Variants in EMCN observed in about 807,000 individuals in gnomAD.
The protein encoded by EMCN is MUC-14.
Under a neutral mutation model 38.4 loss-of-function variants are expected in EMCN, and 37 were observed. That is an observed-to-expected ratio of 0.96 (90% CI 0.74 to 1.27). The LOEUF is 1.27. Ranked by LOEUF, EMCN falls within the 50% of genes most tolerant of loss-of-function variation. The probability of loss-of-function intolerance (pLI) is 0.00; values close to 1 mark genes in which losing one functional copy is unlikely to be tolerated. For synonymous variants in EMCN, 95 were observed against 100.8 expected (o/e 0.94, Z 0.35); for missense variants, 318 against 302.8 (o/e 1.05, Z -0.37).
At chr4:100,439,558 AT>A (rs34415814) in intron 5 of EMCN, among the ~76,000 whole-genome samples, 18,714 of 148,686 alleles carry the variant, frequency 0.13, 1,344 homozygotes, top group Middle Eastern at 0.17. Flanking sequence ...AGGTTTATCC[AT>A]TTTTTTTTAT....
intron 3 of EMCN, 64 bp from the exon 4 acceptor site, chr4:100,465,603 A>C (rs777621459): frequency 1.7e-5 from 14 of 805,194 alleles, no homozygotes; most frequent in Non-Finnish European, 2.7e-5. Flanking sequence ...ATTAATATTC[A>C]TATTAATATC....
Position 100,475,659 on chromosome 4 carries a change from C to CTT in EMCN, c.188-552_188-551dup, listed in dbSNP as rs869169290. Among the ~76,000 whole-genome samples the CTT allele has an allele frequency of 3.2e-3, 190 of 60,228 alleles. 15 individuals carry two copies. The highest frequency in any genetic ancestry group is 0.015 in the African/African-American group (175 of 11,794). 39.5% of individuals were successfully genotyped at this position (60,228 alleles called of 152,430 possible). On this transcript the variant is annotated intron_variant, in intron 2 of 11. Coordinates refer to ENST00000296420, the MANE Select transcript of EMCN (RefSeq NM_016242.4). ...TTGAGGGCAGTATCCAATTCTAGTCCTTTTTTTTTTTTTTTTTTTTTTTTT... is the reference window on the plus strand; with the variant it reads ...TTGAGGGCAGTATCCAATTCTAGTCCTTTTTTTTTTTTTTTTTTTTTTTTTTT...
chr4:100,423,067 C>A lies in EMCN; in HGVS notation c.522G>T (p.Glu174Asp), dbSNP rs775315481. ...CTGAAGTGCTTGCATTTTTTCCACCCTCAGTGCCTATTACTTTAAGAAAGA... is the reference window on the plus strand; with the variant it reads ...CTGAAGTGCTTGCATTTTTTCCACCATCAGTGCCTATTACTTTAAGAAAGA... ...NTSQSQVIGT[E>D]GGKNASTSAT... The change falls in exon 7 of 12, where the codon GAG (glutamate) becomes GAT (aspartate). Residue 174 changes from glutamate to aspartate, a missense_variant. Glu to Asp is a conservative substitution (Grantham distance 45). Transcript: ENST00000296420. 14 of 1,612,900 alleles carry A rather than the reference C, an allele frequency of 8.7e-6. No homozygotes were observed. In the South Asian group the frequency reaches 1.4e-4, roughly 16 times the overall value.
At chr4:100,404,914 T>G (rs1726352616) in intron 11 of EMCN, among the ~76,000 whole-genome samples, 1 of 152,126 alleles carries the variant, frequency 6.6e-6, no homozygotes, top group African/African-American at 2.4e-5. Context: ...TACTTCTCAT[T>G]ATAGAGCTCT....
intron 11 of EMCN, among the ~76,000 whole-genome samples, chr4:100,405,550 T>C (rs1490812426): frequency 6.6e-6 from 1 of 152,162 alleles, no homozygotes; most frequent in South Asian, 2.1e-4. Context: ...GAATCAACCT[T>C]GCATCTCAGG....
intron 5 of EMCN, among the ~76,000 whole-genome samples, chr4:100,441,145 T>C (rs887650950): frequency 6.6e-6 from 1 of 152,110 alleles, no homozygotes; most frequent in African/African-American, 2.4e-5. Context: ...GCTCTTTATT[T>C]CTCCTTTCAT....
At position 100,415,902 on chromosome 4, in the gene EMCN, C is replaced by T. The variant is rs2110213308; in HGVS notation, c.747G>A (p.Glu249=). 2 of 1,581,968 alleles carry T rather than the reference C, an allele frequency of 1.3e-6. No individual in the cohort carries two copies. Among genetic ancestry groups the T allele is most frequent in the South Asian group, 1.2e-5 (1 of 85,096 alleles). ...KLLTVKTISH[E]SGEHSAQGKT... ...TCAACTTGTCTGGAAACTTACCAGA[C>T]TCATGAGAAATTGTCTTAACGGTAA... is the stretch of plus-strand genomic sequence containing the variant. The change falls in exon 10 of 12, where the codon GAG becomes GAA. Residue 249 remains glutamate (E), a synonymous_variant. Transcript: ENST00000296420.
chr4:100,507,171 A>G (rs1038953836), intron 1 of EMCN, among the ~76,000 whole-genome samples: 3 of 152,172 alleles, frequency 2.0e-5, no homozygotes, highest in Admixed American at 1.3e-4. Context: ...TGAAAACATG[A>G]GGGACTTTAA....
At chr4:100,501,508 G>A (rs1729349233) in intron 1 of EMCN, among the ~76,000 whole-genome samples, 1 of 152,018 alleles carries the variant, frequency 6.6e-6, no homozygotes, top group Admixed American at 6.6e-5. Flanking sequence ...GTAGAGTTAT[G>A]TTATCCTTTC....
intron 8 of EMCN, among the ~76,000 whole-genome samples, chr4:100,418,304 G>T (rs1052690913): frequency 6.6e-6 from 1 of 152,062 alleles, no homozygotes; most frequent in African/African-American, 2.4e-5. Flanking sequence ...TATTTATGGG[G>T]TATAAGAGAG....
chr4:100,471,969 C>T (rs1728491525), intron 3 of EMCN, among the ~76,000 whole-genome samples: 2 of 151,980 alleles, frequency 1.3e-5, no homozygotes, highest in Admixed American at 1.3e-4. Flanking sequence ...TCATAATTAA[C>T]ATCATACTTA....
chr4:100,416,237 A>G (rs1178720756), intron 9 of EMCN, among the ~76,000 whole-genome samples: 2 of 152,070 alleles, frequency 1.3e-5, no homozygotes, highest in Non-Finnish European at 2.9e-5. Context: ...ACTCTCTTAT[A>G]GTGGTGATTG....
chr4:100,431,071 C>G (rs1727184045), intron 5 of EMCN, among the ~76,000 whole-genome samples: 1 of 152,064 alleles, frequency 6.6e-6, no homozygotes, highest in Non-Finnish European at 1.5e-5. Context: ...ATAAGAGTGT[C>G]AAACACAGTG....
Position 100,474,939 on chromosome 4 carries a change from A to G in EMCN, c.259+99T>C, listed in dbSNP as rs1578218307. 3 of 500,620 alleles carry G rather than the reference A, an allele frequency of 6.0e-6. No individual in the cohort carries two copies. In the East Asian group the frequency reaches 1.1e-4, roughly 18 times the overall value. 31.0% of individuals were successfully genotyped at this position (500,620 alleles called of 1,614,324 possible). On this transcript the variant is annotated intron_variant, in intron 3 of 11. Coordinates refer to ENST00000296420, the MANE Select transcript of EMCN (RefSeq NM_016242.4). ...GTGGTGGCTGTAAAATCTTGTTAAA[A>G]TACTAAAAACTTCTGAATTGTACAC...
chr4:100,508,431 A>C (rs1308145514), intron 1 of EMCN, among the ~76,000 whole-genome samples: 1 of 152,150 alleles, frequency 6.6e-6, no homozygotes, highest in Admixed American at 6.5e-5. Flanking sequence ...TAGCATATGT[A>C]TTATGGGGAA....
chr4:100,411,930 T>G (rs1726571942), intron 10 of EMCN, among the ~76,000 whole-genome samples: 1 of 152,148 alleles, frequency 6.6e-6, no homozygotes, highest in Admixed American at 6.5e-5. Context: ...TGTGAATGTT[T>G]TGTTCATTTT....
chr4:100,406,039 T>TTTGG (rs1553925950), intron 11 of EMCN, among the ~76,000 whole-genome samples: 2 of 152,040 alleles, frequency 1.3e-5, no homozygotes, highest in African/African-American at 4.8e-5. Flanking sequence ...TCTCTGGATT[T>TTTGG]TTTGTTTGTT....
chr4:100,401,943 ATCTGTTC>A (rs1726271299), intron 11 of EMCN, among the ~76,000 whole-genome samples: 1 of 152,154 alleles, frequency 6.6e-6, no homozygotes, highest in African/African-American at 2.4e-5. Context: ...TTAAATGGCT[ATCTGTTC>A]AATTCTAAAG....
chr4:100,421,507 G>T, intron 7 of EMCN, 130 bp from the exon 8 acceptor site: 1 of 710,124 alleles, frequency 1.4e-6, no homozygotes, highest in Non-Finnish European at 2.4e-6. Flanking sequence ...CATATTTTAG[G>T]CAAAGATTCC....
Sources: allele counts gnomAD v4.1 joint callset (sites outside exome capture counted in the v4.1 genomes callset), GRCh38; gene constraint gnomAD v4.1.1; transcripts MANE v1.5; gene names NCBI Gene and HGNC (gene_info 2026-07-23, HGNC 2026-07-21).